Variants in UPRT observed in about 807,000 individuals in gnomAD.
UPRT encodes the protein uracil phosphoribosyltransferase homolog, also known as RP11-311P8.3.
A neutral mutation model predicts 22.6 loss-of-function variants in UPRT; 5 were observed. That is an observed-to-expected ratio of 0.22 (90% CI 0.12 to 0.47). The LOEUF (loss-of-function observed/expected upper bound fraction) is 0.47. UPRT is among the 20% of genes least tolerant of loss of function. UPRT has a pLI of 0.99. For synonymous variants in UPRT, 77 were observed against 87.7 expected, an observed-to-expected ratio of 0.88 and a Z score of 0.68; for missense variants, 181 against 239.9, an observed-to-expected ratio of 0.75 and a Z score of 1.62.
intron 4 of UPRT, among the ~76,000 whole-genome samples, chrX:75,185,350 C>T (rs2082286241): frequency 8.9e-6 from 1 of 111,970 alleles, no homozygotes. Context: ...TTGAACCAGC[C>T]TTGCATCCCA....
chrX:75,248,120 A>T (rs2082513700), intron 4 of UPRT, among the ~76,000 whole-genome samples: 1 of 111,909 alleles, frequency 8.9e-6, no homozygotes, highest in Non-Finnish European at 1.9e-5. Flanking sequence ...TGGGAAAAAC[A>T]GCGCAGAAAA....
In UPRT at chrX:75,247,907, T is replaced by C. The variant is rs778507644; in HGVS notation, c.-446-43117T>C. Among the ~76,000 whole-genome samples, 10 of 111,895 alleles carry C rather than the reference T, an allele frequency of 8.9e-5. No individual in the cohort carries two copies. The East Asian group carries it at 2.5e-3, about 28-fold the overall frequency. On this transcript the variant is annotated intron_variant, in intron 4 of 13. Coordinates refer to the UPRT transcript ENST00000652605. ...AGGAACGATCAGGCAGCAGCATTTG[T>C]GGTTCACCAATATCCGCTGTTCTGC...
chrX:75,230,656 T>A (rs184022531), intron 4 of UPRT, among the ~76,000 whole-genome samples: 6 of 111,946 alleles, frequency 5.4e-5, no homozygotes, highest in Non-Finnish European at 9.4e-5. Context: ...TGGAAACCAG[T>A]GCACTAAACA....
intron 4 of UPRT, among the ~76,000 whole-genome samples, chrX:75,212,733 G>A (rs1037696030): frequency 9.0e-6 from 1 of 111,025 alleles, no homozygotes; most frequent in Admixed American, 9.6e-5. Flanking sequence ...TGTGGGAGCT[G>A]AACAATAAGA....
chrX:75,269,444 C>A (rs1182288974), upstream of UPRT, among the ~76,000 whole-genome samples: 1 of 111,382 alleles, frequency 9.0e-6, no homozygotes, highest in Non-Finnish European at 1.9e-5. Flanking sequence ...CCCACATTGC[C>A]AAGAAAATCC....
At chrX:75,172,280 G>T (rs73505010) in intron 4 of UPRT, among the ~76,000 whole-genome samples, 1,722 of 111,207 alleles carry the variant, frequency 0.015, 42 homozygotes, top group African/African-American at 0.053. Flanking sequence ...GGGGATAGGG[G>T]TGTGGTTCCC....
chrX:75,215,960 A>G (rs748553198), intron 4 of UPRT, among the ~76,000 whole-genome samples: 1 of 112,188 alleles, frequency 8.9e-6, no homozygotes, highest in Non-Finnish European at 1.9e-5. Context: ...AAGAAATAAT[A>G]CCAATTATTT....
intron 2 of UPRT, among the ~76,000 whole-genome samples, chrX:75,161,095 CT>C (rs2082198093): frequency 8.9e-6 from 1 of 112,442 alleles, no homozygotes; most frequent in Admixed American, 9.4e-5. Context: ...ATGTTTATCA[CT>C]TTTTTTCCCT....
intron 4 of UPRT, among the ~76,000 whole-genome samples, chrX:75,213,821 A>G (rs780878821): frequency 7.1e-5 from 8 of 112,187 alleles, no homozygotes; most frequent in Non-Finnish European, 1.5e-4. Flanking sequence ...GCATCAAAAT[A>G]CATGAGGCAA....
At chrX:75,234,377 T>G (rs1290283977) in intron 4 of UPRT, among the ~76,000 whole-genome samples, 1 of 110,848 alleles carries the variant, frequency 9.0e-6, no homozygotes, top group African/African-American at 3.3e-5. Flanking sequence ...GACAGATCAA[T>G]GAGACAGAAA....
At chrX:75,301,099 T>A (rs2082742831) in intron 6 of UPRT, 134 bp downstream of exon 6, 7 of 421,922 alleles carry the variant, frequency 1.7e-5, no homozygotes, top group Non-Finnish European at 2.0e-5. Context: ...TGGGTAATTA[T>A]AACTTGTGTT....
intron 4 of UPRT, among the ~76,000 whole-genome samples, chrX:75,227,620 T>C (rs1335391403): frequency 8.9e-6 from 1 of 112,412 alleles, no homozygotes; most frequent in South Asian, 3.7e-4. Context: ...ATAGGAGACA[T>C]TGAATTCTTT....
At position 75,254,761 on chromosome X, in the gene UPRT, C is replaced by CTTT. The variant is rs34395700; in HGVS notation, c.-446-36240_-446-36238dup. 2.0e-3 allele frequency among the ~76,000 whole-genome samples: 98 copies of CTTT among 47,925 alleles called. 1 individual carries two copies. The highest frequency in any genetic ancestry group is 5.7e-3 in the African/African-American group (80 of 13,954). The allele number at this position is 47,925 out of a possible 115,157, so 41.6% of individuals were successfully genotyped here. A position where few individuals can be genotyped will look rare whatever the true frequency, so the allele number is the denominator to read the frequency against. Reference sequence around the variant, plus strand: ...ATAAAGTTAAGACGAAGGAAAGAATCTTTTTTTTTTTTTTTTTTTTTTTTT... The same window carrying CTTT: ...ATAAAGTTAAGACGAAGGAAAGAATCTTTTTTTTTTTTTTTTTTTTTTTTTTTT... On this transcript the variant is annotated intron_variant, in intron 4 of 13. Transcript: ENST00000652605.
chrX:75,254,927 C>T (rs2082544529), intron 4 of UPRT, among the ~76,000 whole-genome samples: 1 of 110,067 alleles, frequency 9.1e-6, no homozygotes, highest in Admixed American at 9.7e-5. Flanking sequence ...AGGCGCCCGC[C>T]ACCGCACCCG....
At chrX:75,163,034 T>C (rs2082204378) in intron 2 of UPRT, among the ~76,000 whole-genome samples, 1 of 112,202 alleles carries the variant, frequency 8.9e-6, no homozygotes, top group South Asian at 3.7e-4. Flanking sequence ...CTCACCAAGA[T>C]AAAAATCAAG....
intron 4 of UPRT, among the ~76,000 whole-genome samples, chrX:75,254,277 T>TA (rs2082541776): frequency 2.7e-5 from 3 of 111,239 alleles, no homozygotes; most frequent in African/African-American, 9.8e-5. Flanking sequence ...GAAGGAAATT[T>TA]AAAAAATGAT....
chrX:75,220,283 T>C (rs1237112176), intron 4 of UPRT, among the ~76,000 whole-genome samples: 1 of 111,346 alleles, frequency 9.0e-6, no homozygotes, highest in African/African-American at 3.3e-5. Context: ...TTATTTTCAG[T>C]CTATATGTGT....
At chrX:75,210,227 T>C (rs1240555799) in intron 4 of UPRT, among the ~76,000 whole-genome samples, 1 of 111,487 alleles carries the variant, frequency 9.0e-6, no homozygotes, top group Non-Finnish European at 1.9e-5. Context: ...AGGATCCCTA[T>C]TGGGTTATGA....
At chrX:75,249,093 C>G (rs1047634849) in intron 4 of UPRT, among the ~76,000 whole-genome samples, 1 of 111,456 alleles carries the variant, frequency 9.0e-6, no homozygotes, top group Non-Finnish European at 1.9e-5. Flanking sequence ...CAGTACCAGC[C>G]ACTGCAAAAA....
Sources: allele counts gnomAD v4.1 joint callset (sites outside exome capture counted in the v4.1 genomes callset), GRCh38; gene constraint gnomAD v4.1.1; transcripts MANE v1.5; gene names NCBI Gene and HGNC (gene_info 2026-07-23, HGNC 2026-07-21).